Variants in SPTA1 observed in about 807,000 individuals in gnomAD.
The protein encoded by SPTA1 is spectrin alpha chain, erythrocytic 1.
In SPTA1, 177 loss-of-function variants were observed where a neutral mutation model predicts 324.7. The observed-to-expected ratio is 0.55, with a 90% confidence interval of 0.48 to 0.62. The LOEUF (loss-of-function observed/expected upper bound fraction) is 0.62, where lower values mean the gene tolerates loss of function less well. Among genes scored for constraint, SPTA1 ranks in the 20% least tolerant of loss-of-function variants. SPTA1 has a pLI of 0.00. For synonymous variants in SPTA1, 1,195 were observed against 1,041.3 expected, an observed-to-expected ratio of 1.15 and a Z score of -2.84; for missense variants, 3,162 against 2,883.6, an observed-to-expected ratio of 1.10 and a Z score of -2.21.
chr1:158,620,066 A>T, intron 44 of SPTA1, 104 bp downstream of exon 44: 1 of 1,376,434 alleles, frequency 7.3e-7, no homozygotes, highest in Non-Finnish European at 1.0e-6. Context: ...GTCCCAGTAT[A>T]GTTATTAATA....
chr1:158,640,740 A>G (rs1031168741), intron 33 of SPTA1, among the ~76,000 whole-genome samples: 4 of 152,190 alleles, frequency 2.6e-5, no homozygotes, highest in African/African-American at 7.2e-5. Context: ...TGCCCAAGGT[A>G]ATTTATAGAT....
chr1:158,615,225 A>C lies in SPTA1; in HGVS notation c.6779T>G (p.Ile2260Ser), dbSNP rs1183475656. ...LRMQHNLEQQ[I>S]QAKDIKGVSE... is the part of the protein sequence containing the mutation. ...CACACGCCCTCAATACTTGGCCTGG[A>C]TCTGTTGCTCCAGGTTGTGTTGCAT... The change falls in exon 48 of 52, where the codon ATC becomes AGC. Residue 2260 changes from isoleucine to serine, a missense_variant. Coordinates refer to ENST00000643759, the MANE Select transcript of SPTA1 (RefSeq NM_003126.4). The C allele has an allele frequency of 1.2e-6, 2 of 1,613,196 alleles. No homozygotes were observed. Among genetic ancestry groups the C allele is most frequent in the Admixed American group, 3.3e-5 (2 of 60,014 alleles).
intron 3 of SPTA1, among the ~76,000 whole-genome samples, chr1:158,682,007 A>T (rs537380747): frequency 3.3e-5 from 5 of 152,194 alleles, no homozygotes; most frequent in Non-Finnish European, 1.5e-5. Context: ...TGACAGGTCA[A>T]TCATAAGCAT....
rs1403084351 is a variant in SPTA1, at chr1:158,611,205, GC to G, written c.*58del. 31 of 1,595,182 alleles carry G rather than the reference GC, an allele frequency of 1.9e-5. No individual in the cohort carries two copies. Among genetic ancestry groups the G allele is most frequent in the Non-Finnish European group, 2.7e-5 (31 of 1,168,026 alleles). ...TCTTCCACATTTGCCTGTACTCTTT[GC>G]CCCCCAGTAAATTTCCCACGACACT... On this transcript the variant is annotated 3_prime_UTR_variant, in exon 52 of 52. Transcript: ENST00000643759.
Position 158,611,131 on chromosome 1 carries a change from G to GCACGCACACA in SPTA1, c.*132_*133insTGTGTGCGTG, listed in dbSNP as rs1553221963. 86 of 671,424 alleles carry GCACGCACACA rather than the reference G, an allele frequency of 1.3e-4. No individual in the cohort carries two copies. The highest frequency in any genetic ancestry group is 8.7e-4 in the South Asian group (52 of 59,582). The allele number at this position is 671,424 out of a possible 1,614,324, so 41.6% of individuals were successfully genotyped here. On this transcript the variant is annotated 3_prime_UTR_variant, in exon 52 of 52. Transcript: ENST00000643759. ...AAATGTAATATGCACACAAACACAA[G>GCACGCACACA]CACACACACACACACACACACACAC...
chr1:158,657,612 C>A lies in SPTA1; in HGVS notation c.2670G>T (p.Arg890Ser), dbSNP rs552731261. 1 of 1,614,130 alleles carries A rather than the reference C, an allele frequency of 6.2e-7. No homozygotes were observed. Among genetic ancestry groups the A allele is most frequent in the South Asian group, 1.1e-5 (1 of 91,086 alleles). The part of the protein sequence containing the change: ...NMESLRARAA[R>S]RQNDLEANVQ... ...CATTGGCTTCAAGATCATTTTGTCG[C>A]CTAGCAGCTCGAGCACGGAGAGACT... The change falls in exon 19 of 52, where the codon AGG becomes AGT. Residue 890 changes from arginine to serine, a missense_variant. By Grantham distance (110) the Arg-to-Ser change is moderately radical. Coordinates refer to ENST00000643759, the MANE Select transcript of SPTA1 (RefSeq NM_003126.4).
At chr1:158,640,050 C>T (rs1323593801) in intron 33 of SPTA1, 43 bp from the exon 34 acceptor site, 3 of 1,613,298 alleles carry the variant, frequency 1.9e-6, no homozygotes, top group Non-Finnish European at 2.5e-6. Flanking sequence ...CTTTAGGATC[C>T]CGGGCCCTGT....
intron 43 of SPTA1, among the ~76,000 whole-genome samples, chr1:158,621,957 C>A (rs551789952): frequency 6.6e-6 from 1 of 152,166 alleles, no homozygotes; most frequent in Non-Finnish European, 1.5e-5. Context: ...CTCCATCTCC[C>A]GGGATCACGC....
intron 1 of SPTA1, 35 bp from the exon 2 acceptor site, chr1:158,685,382 C>A (rs753306923): frequency 6.2e-7 from 1 of 1,608,504 alleles, no homozygotes; most frequent in South Asian, 1.1e-5. Flanking sequence ...CTTGCTAGTT[C>A]TCAAATATTT....
chr1:158,650,409 T>A (rs1652337541), intron 24 of SPTA1, among the ~76,000 whole-genome samples: 1 of 152,264 alleles, frequency 6.6e-6, no homozygotes, highest in African/African-American at 2.4e-5. Context: ...ACAACCACTA[T>A]AAAAACAGGC....
At chr1:158,628,728 T>G (rs1212267239) in intron 39 of SPTA1, among the ~76,000 whole-genome samples, 2 of 152,002 alleles carry the variant, frequency 1.3e-5, no homozygotes, top group Non-Finnish European at 2.9e-5. Flanking sequence ...TTTCAAATAA[T>G]AAATTCAAAA....
In SPTA1 at chr1:158,653,156, A is replaced by C; in HGVS notation, c.3188+118T>G. ...TTCTAGGTTTACTTTCGATTCTTAA[A>C]ATCTTCAGATTTTCTGTGGCATCTC... On this transcript the variant is annotated intron_variant, in intron 22 of 51. Transcript: ENST00000643759. The C allele has an allele frequency of 3.3e-6, 5 of 1,501,206 alleles. No homozygotes were observed. In the South Asian group the frequency reaches 4.6e-5, roughly 14 times the overall value. 93.0% of individuals were successfully genotyped at this position (1,501,206 alleles called of 1,614,324 possible).
intron 18 of SPTA1, among the ~76,000 whole-genome samples, chr1:158,659,267 A>G (rs1653033835): frequency 6.6e-6 from 1 of 152,176 alleles, no homozygotes; most frequent in South Asian, 2.1e-4. Context: ...CATGAAATGC[A>G]TAATATTATT....
rs766254404 is a variant in SPTA1 at position 158,678,397 on chromosome 1, A to G, written c.812+4T>C. Reference sequence around the variant, plus strand: ...TTTCTATAAAGCAGTGGCCAGATCCATACCTTTTGAATCGTTGTAAGTTTG... The same window carrying G: ...TTTCTATAAAGCAGTGGCCAGATCCGTACCTTTTGAATCGTTGTAAGTTTG... On this transcript the variant is annotated splice_donor_region_variant and intron_variant, in intron 6 of 51. Transcript: ENST00000643759. The G allele has an allele frequency of 2.0e-5, 32 of 1,613,562 alleles. No homozygotes were observed. The highest frequency in any genetic ancestry group is 2.6e-5 in the Non-Finnish European group (31 of 1,179,600).
chr1:158,629,173 G>T (rs1239691577), intron 39 of SPTA1, among the ~76,000 whole-genome samples: 3 of 138,452 alleles, frequency 2.2e-5, no homozygotes, highest in East Asian at 2.2e-4. Context: ...TCTATCAAGA[G>T]AGACAAAATA....
intron 23 of SPTA1, among the ~76,000 whole-genome samples, chr1:158,652,080 C>T (rs985829688): frequency 6.6e-6 from 1 of 152,116 alleles, no homozygotes; most frequent in Non-Finnish European, 1.5e-5. Context: ...AATTGTTTGT[C>T]AAGTCAGGTT....
At position 158,629,677 on chromosome 1, in the gene SPTA1, G is replaced by C. The variant is rs1650553347; in HGVS notation, c.5566-1954C>G. Among the ~76,000 whole-genome samples, 5 of 151,946 alleles carry C rather than the reference G, an allele frequency of 3.3e-5. No individual in the cohort carries two copies. The South Asian group carries it at 1.0e-3, about 31-fold the overall frequency. ...ATTTAAGATAGTACTGGAAGTCCTA[G>C]TAAAAGGCATCTAAATAAGAAAGGA... On this transcript the variant is annotated intron_variant, in intron 39 of 51. Transcript: ENST00000643759.
At position 158,682,336 on chromosome 1, in the gene SPTA1, C is replaced by T. The variant is rs144917578; in HGVS notation, c.391-669G>A. On this transcript the variant is annotated intron_variant, in intron 3 of 51. Transcript: ENST00000643759. ...GTGGACCACATATGTCGTTAAACCC[C>T]GCAATGGTACCATTTGCTATAGCCC... Among the ~76,000 whole-genome samples, 212 of 152,240 alleles carry T rather than the reference C, an allele frequency of 1.4e-3. 1 individual carries two copies. The highest frequency in any genetic ancestry group is 4.4e-3 in the African/African-American group (183 of 41,544).
intron 14 of SPTA1, among the ~76,000 whole-genome samples, chr1:158,668,654 T>C (rs1426803622): frequency 5.3e-5 from 8 of 152,174 alleles, no homozygotes. Flanking sequence ...TGATGGTAAA[T>C]GTGAAGGTTT....
Sources: gnomAD v4.1 joint callset for allele counts (sites outside exome capture counted in the v4.1 genomes callset) on GRCh38, gnomAD v4.1.1 for gene constraint, MANE v1.5 for transcripts, NCBI Gene and HGNC (gene_info 2026-07-23, HGNC 2026-07-21) for gene names.